The following GPATCH8 variants were observed in gnomAD, a reference collection of about 807,000 sequenced individuals.
The protein encoded by GPATCH8 is G-patch domain containing 8, also known as G patch domain-containing protein 8.
In GPATCH8, 18 loss-of-function variants were observed where a neutral mutation model predicts 118.3. The observed-to-expected ratio is 0.15, with a 90% CI of 0.11 to 0.23. The LOEUF is 0.23. Among genes scored for constraint, GPATCH8 ranks in the 10% least tolerant of loss-of-function variants. The pLI, the probability that GPATCH8 is intolerant of heterozygous loss-of-function variation, is 1.00. For synonymous variants in GPATCH8, 659 were observed against 684.7 expected, an observed-to-expected ratio of 0.96 and a Z score of 0.59; for missense variants, 1,631 against 1,873.8, an observed-to-expected ratio of 0.87 and a Z score of 2.39.
At chr17:44,418,521 C>T (rs1325403505) in intron 6 of GPATCH8, among the ~76,000 whole-genome samples, 1 of 148,438 alleles carries the variant, frequency 6.7e-6, no homozygotes, top group East Asian at 2.0e-4. Context: ...GTGGCATGAT[C>T]TTGGCTCACT....
chr17:44,494,418 C>T (rs1027860123), intron 1 of GPATCH8, among the ~76,000 whole-genome samples: 3 of 152,132 alleles, frequency 2.0e-5, no homozygotes, highest in African/African-American at 7.2e-5. Flanking sequence ...ATAGTGAAAC[C>T]CTGTCCCTAT....
At chr17:44,490,043 C>T (rs989801063) in intron 1 of GPATCH8, among the ~76,000 whole-genome samples, 2 of 152,070 alleles carry the variant, frequency 1.3e-5, no homozygotes, top group South Asian at 4.1e-4. Flanking sequence ...TGGCTCACAC[C>T]TATAATCCCA....
At chr17:44,496,406 G>A (rs1969672959) in intron 1 of GPATCH8, among the ~76,000 whole-genome samples, 1 of 152,014 alleles carries the variant, frequency 6.6e-6, no homozygotes, top group African/African-American at 2.4e-5. Flanking sequence ...AAGCTATTTT[G>A]TGTCTCAATT....
intron 1 of GPATCH8, among the ~76,000 whole-genome samples, chr17:44,497,463 C>A (rs1459655678): frequency 6.6e-6 from 1 of 151,356 alleles, no homozygotes; most frequent in Non-Finnish European, 1.5e-5. Flanking sequence ...GGTGACACAC[C>A]TGTAGCCCCA....
At chr17:44,499,184 G>A (rs751901741) in intron 1 of GPATCH8, among the ~76,000 whole-genome samples, 1 of 151,798 alleles carries the variant, frequency 6.6e-6, no homozygotes, top group Non-Finnish European at 1.5e-5. Flanking sequence ...AAAATGCAGA[G>A]GGCCAGGCGC....
chr17:44,498,137 A>G (rs1969806235), intron 1 of GPATCH8, among the ~76,000 whole-genome samples: 1 of 152,194 alleles, frequency 6.6e-6, no homozygotes, highest in South Asian at 2.1e-4. Flanking sequence ...TCATAAAGAC[A>G]TGAGAAACTG....
At chr17:44,463,116 T>C (rs9748120) in intron 3 of GPATCH8, among the ~76,000 whole-genome samples, 91,422 of 151,860 alleles carry the variant, frequency 0.6, 27,741 homozygotes, top group Middle Eastern at 0.67. Context: ...GACAGGGTCT[T>C]GCTATCTCAC....
intron 7 of GPATCH8, among the ~76,000 whole-genome samples, chr17:44,403,712 A>T (rs2049114198): frequency 6.7e-6 from 1 of 150,040 alleles, no homozygotes; most frequent in Admixed American, 6.6e-5. Flanking sequence ...TTTTCTCCCA[A>T]GCTGGAGTTT....
chr17:44,430,517 G>A (rs941025063), intron 5 of GPATCH8, among the ~76,000 whole-genome samples: 6 of 151,936 alleles, frequency 3.9e-5, no homozygotes, highest in African/African-American at 1.5e-4. Context: ...AACAAAGCAG[G>A]AATTTCTAGA....
rs1390287557 is a variant in GPATCH8 at position 44,397,420 on chromosome 17, A to T, written c.*148T>A. 1.4e-6 allele frequency: 1 copy of T among 711,162 alleles called. No homozygotes were observed. 44.1% of individuals were successfully genotyped at this position (711,162 alleles called of 1,614,324 possible). ...AACTGAAAGCAAACTTCAAATCTAA[A>T]CCCACCCCTGCAAGCCAAAACTCAA... On this transcript the variant is annotated 3_prime_UTR_variant, in exon 8 of 8. Coordinates refer to ENST00000591680, the MANE Select transcript of GPATCH8 (RefSeq NM_001002909.4).
chr17:44,491,055 A>G lies in GPATCH8; in HGVS notation c.45+12271T>C, dbSNP rs118102014. 4.9e-3 allele frequency among the ~76,000 whole-genome samples: 751 copies of G among 152,346 alleles called. 1 individual carries two copies. The highest frequency in any genetic ancestry group is 9.1e-3 in the Non-Finnish European group (618 of 68,032). On this transcript the variant is annotated intron_variant, in intron 1 of 7. Transcript: ENST00000591680. ...AAACTATGTAGAAATTAGTAGAGAC[A>G]AATTAGAGCTGGAGAAGAAGGAATT...
intron 2 of GPATCH8, among the ~76,000 whole-genome samples, chr17:44,468,991 G>C (rs978958096): frequency 6.6e-6 from 1 of 152,076 alleles, no homozygotes; most frequent in Non-Finnish European, 1.5e-5. Context: ...CTGTTCTTTG[G>C]TTGGAAATGA....
chr17:44,455,909 C>G (rs976792047), intron 3 of GPATCH8, among the ~76,000 whole-genome samples: 1 of 151,654 alleles, frequency 6.6e-6, no homozygotes, highest in Non-Finnish European at 1.5e-5. Context: ...CACCATGCCC[C>G]GCTAATTTTG....
chr17:44,416,652 A>G (rs769058191), intron 6 of GPATCH8, among the ~76,000 whole-genome samples: 29 of 152,358 alleles, frequency 1.9e-4, no homozygotes, highest in Non-Finnish European at 3.2e-4. Context: ...CCTGAAGAGA[A>G]CTGTGCTGTT....
At chr17:44,447,225 G>A (rs188046971) in intron 3 of GPATCH8, among the ~76,000 whole-genome samples, 40 of 151,628 alleles carry the variant, frequency 2.6e-4, no homozygotes, top group Non-Finnish European at 4.4e-4. Context: ...CACACTCTTG[G>A]CTCACTGCAA....
intron 6 of GPATCH8, among the ~76,000 whole-genome samples, chr17:44,421,103 T>C (rs765967385): frequency 2.0e-5 from 3 of 152,016 alleles, no homozygotes; most frequent in Admixed American, 1.3e-4. Flanking sequence ...CTGCCCGCCT[T>C]GGCCTTCCAA....
chr17:44,420,970 C>T (rs2049877434), intron 6 of GPATCH8, among the ~76,000 whole-genome samples: 1 of 151,850 alleles, frequency 6.6e-6, no homozygotes, highest in Non-Finnish European at 1.5e-5. Flanking sequence ...AGCAATTCTC[C>T]TGCCTCGAGC....
intron 1 of GPATCH8, among the ~76,000 whole-genome samples, chr17:44,481,356 T>C (rs577040110): frequency 2.6e-5 from 4 of 152,330 alleles, no homozygotes; most frequent in Admixed American, 2.6e-4. Context: ...TTAAAAACTA[T>C]GGTATACCCC....
intron 5 of GPATCH8, among the ~76,000 whole-genome samples, chr17:44,426,164 T>G (rs568219481): frequency 1.3e-5 from 2 of 152,320 alleles, no homozygotes; most frequent in African/African-American, 4.8e-5. Flanking sequence ...TGAATATACC[T>G]ACATCTCTTG....
Sources: allele counts gnomAD v4.1 joint callset (sites outside exome capture counted in the v4.1 genomes callset), GRCh38; gene constraint gnomAD v4.1.1; transcripts MANE v1.5; gene names NCBI Gene and HGNC (gene_info 2026-07-23, HGNC 2026-07-21).